Variants in NOVA1 observed in about 807,000 individuals in gnomAD.
NOVA1 encodes NOVA alternative splicing regulator 1.
In NOVA1, 7 loss-of-function variants were observed where a neutral mutation model predicts 38.0. That is an observed-to-expected ratio of 0.18 (90% confidence interval 0.10 to 0.35). The LOEUF (loss-of-function observed/expected upper bound fraction) is 0.35. Among genes scored for constraint, NOVA1 ranks in the 10% least tolerant of loss-of-function variants. NOVA1 has a pLI of 1.00. For synonymous variants in NOVA1, 270 were observed against 232.5 expected, an observed-to-expected ratio of 1.16 and a Z score of -1.47; for missense variants, 460 against 616.0, an observed-to-expected ratio of 0.75 and a Z score of 2.68.
chr14:26,573,698 T>C (rs767403844), intron 2 of NOVA1, among the ~76,000 whole-genome samples: 7 of 152,176 alleles, frequency 4.6e-5, no homozygotes, highest in Non-Finnish European at 7.4e-5. Flanking sequence ...CTAAATAAAC[T>C]GTGAAGCAAG....
At chr14:26,468,012 T>G (rs1292448289) in intron 4 of NOVA1, among the ~76,000 whole-genome samples, 1 of 152,190 alleles carries the variant, frequency 6.6e-6, no homozygotes. Context: ...CATGACTTAC[T>G]TCTCACTACA....
chr14:26,478,119 TTAAA>T (rs1885136689), intron 3 of NOVA1, among the ~76,000 whole-genome samples: 2 of 151,858 alleles, frequency 1.3e-5, no homozygotes, highest in Non-Finnish European at 1.5e-5. Context: ...TATCTTGAAG[TTAAA>T]TAACATCCAA....
intron 2 of NOVA1, among the ~76,000 whole-genome samples, chr14:26,583,456 T>G (rs892633744): frequency 7.3e-5 from 11 of 151,590 alleles, no homozygotes; most frequent in Non-Finnish European, 1.3e-4. Context: ...GAATTATGAA[T>G]AGCACTTAAA....
At position 26,561,560 on chromosome 14, in the gene NOVA1, G is replaced by A. The variant is rs141515222; in HGVS notation, c.280+33850C>T. On this transcript the variant is annotated intron_variant, in intron 2 of 4. Coordinates refer to ENST00000539517, the MANE Select transcript of NOVA1 (RefSeq NM_002515.3). ...TATATCCTCAGCAGGAAGGCAATAG[G>A]TTTCTATCTACACTAAGGAAAGAGA... Among the ~76,000 whole-genome samples, 374 of 151,792 alleles carry A rather than the reference G, an allele frequency of 2.5e-3. 3 individuals are homozygous for A. Among genetic ancestry groups the A allele is most frequent in the African/African-American group, 8.1e-3 (334 of 41,364 alleles).
At chr14:26,469,908 G>T (rs139914166) in intron 4 of NOVA1, among the ~76,000 whole-genome samples, 4 of 152,190 alleles carry the variant, frequency 2.6e-5, no homozygotes, top group African/African-American at 9.6e-5. Flanking sequence ...CATTTTATAA[G>T]GCTTCTCATA....
chr14:26,488,925 A>G (rs1886123346), intron 2 of NOVA1, among the ~76,000 whole-genome samples: 1 of 152,076 alleles, frequency 6.6e-6, no homozygotes, highest in South Asian at 2.1e-4. Flanking sequence ...TTGATATCAC[A>G]TGTCCCAGCT....
At chr14:26,565,889 A>G (rs1488151349) in intron 2 of NOVA1, among the ~76,000 whole-genome samples, 1 of 152,166 alleles carries the variant, frequency 6.6e-6, no homozygotes, top group Non-Finnish European at 1.5e-5. Context: ...ATGGGCTTTC[A>G]TACAGAAAAA....
chr14:26,482,782 C>T (rs771944347), intron 2 of NOVA1, among the ~76,000 whole-genome samples: 70 of 152,100 alleles, frequency 4.6e-4, no homozygotes, highest in Non-Finnish European at 8.2e-4. Context: ...ACTGCAGCCT[C>T]GACCACCTGG....
At chr14:26,596,470 G>A in intron 1 of NOVA1, 1 of 1,136,192 alleles carries the variant, frequency 8.8e-7, no homozygotes, top group Non-Finnish European at 1.2e-6. Flanking sequence ...AGACACCCCG[G>A]TAAATCCAGC....
intron 2 of NOVA1, among the ~76,000 whole-genome samples, chr14:26,557,054 G>A (rs1891530869): frequency 6.6e-6 from 1 of 152,046 alleles, no homozygotes; most frequent in South Asian, 2.1e-4. Context: ...CATTCTCTCT[G>A]CATGCACATC....
chr14:26,511,666 C>T (rs1338065388), intron 2 of NOVA1, among the ~76,000 whole-genome samples: 1 of 151,794 alleles, frequency 6.6e-6, no homozygotes, highest in African/African-American at 2.4e-5. Context: ...GCAGGAGAAT[C>T]GCTTGAACCT....
intron 2 of NOVA1, among the ~76,000 whole-genome samples, chr14:26,535,897 T>C (rs1180686984): frequency 2.0e-5 from 3 of 149,664 alleles, no homozygotes; most frequent in Non-Finnish European, 4.4e-5. Flanking sequence ...GAGAATGGTG[T>C]GAACCTGGGA....
At chr14:26,466,082 G>A (rs1884107949) in intron 4 of NOVA1, among the ~76,000 whole-genome samples, 1 of 152,124 alleles carries the variant, frequency 6.6e-6, no homozygotes, top group Non-Finnish European at 1.5e-5. Context: ...TGTTAGCCAA[G>A]CAGATCTCTA....
chr14:26,509,394 G>A (rs969996552), intron 2 of NOVA1, among the ~76,000 whole-genome samples: 2 of 152,090 alleles, frequency 1.3e-5, no homozygotes, highest in Non-Finnish European at 2.9e-5. Context: ...GGAGTGAAAA[G>A]ATTGAAATAC....
chr14:26,469,995 C>T lies in NOVA1; in HGVS notation c.519+2325G>A, dbSNP rs182773603. The T allele has an allele frequency of 9.9e-5, 17 of 172,540 alleles. No individual in the cohort carries two copies. The East Asian group carries it at 2.0e-3, about 20-fold the overall frequency. 10.7% of individuals were successfully genotyped at this position (172,540 alleles called of 1,614,324 possible). On this transcript the variant is annotated intron_variant, in intron 4 of 4. Transcript: ENST00000539517. The stretch of plus-strand genomic sequence containing the variant: ...AGTCTGTCAGTCTGACCTACGGAAA[C>T]GTGTTAAGGGGTCTCAAGGTTAATA...
chr14:26,544,302 T>C (rs903130276), intron 2 of NOVA1, among the ~76,000 whole-genome samples: 5 of 151,996 alleles, frequency 3.3e-5, no homozygotes, highest in African/African-American at 4.8e-5. Context: ...CAAGGAACTA[T>C]AGTTGGGTTA....
At chr14:26,483,687 C>T (rs1028534088) in intron 2 of NOVA1, among the ~76,000 whole-genome samples, 5 of 152,086 alleles carry the variant, frequency 3.3e-5, no homozygotes, top group Admixed American at 6.6e-5. Flanking sequence ...TCTAATCAAA[C>T]ATTTAGCACT....
intron 2 of NOVA1, among the ~76,000 whole-genome samples, chr14:26,525,413 T>C (rs368849687): frequency 6.6e-6 from 1 of 152,250 alleles, no homozygotes; most frequent in East Asian, 1.9e-4. Context: ...TATTGCAGTA[T>C]TTACAATGAG....
At chr14:26,582,990 G>T (rs1893312483) in intron 2 of NOVA1, among the ~76,000 whole-genome samples, 1 of 151,796 alleles carries the variant, frequency 6.6e-6, no homozygotes, top group Non-Finnish European at 1.5e-5. Context: ...AGACATTCTA[G>T]TTTTTAAACA....
Sources: allele counts gnomAD v4.1 joint callset (sites outside exome capture counted in the v4.1 genomes callset), GRCh38; gene constraint gnomAD v4.1.1; transcripts MANE v1.5; gene names NCBI Gene and HGNC (gene_info 2026-07-23, HGNC 2026-07-21).